Variants in LRP1B observed in about 807,000 individuals in gnomAD.
LRP1B encodes low-density lipoprotein receptor-related protein 1B.
LRP1B carries 217 observed loss-of-function variants against 556.6 expected under a neutral mutation model. The ratio of observed to expected loss-of-function variants is 0.39; its 90% confidence interval spans 0.35 to 0.44. LRP1B has a LOEUF of 0.44. Ranked by LOEUF, LRP1B falls within the 20% of genes least tolerant of loss-of-function variation. The pLI is 1.00. For synonymous variants in LRP1B, 2,047 were observed against 1,865.8 expected, an observed-to-expected ratio of 1.10 and a Z score of -2.50; for missense variants, 5,053 against 5,620.8, an observed-to-expected ratio of 0.90 and a Z score of 3.23.
chr2:142,009,702 T>C (rs1408559381), intron 1 of LRP1B, among the ~76,000 whole-genome samples: 2 of 152,234 alleles, frequency 1.3e-5, no homozygotes, highest in Non-Finnish European at 2.9e-5. Flanking sequence ...TTATGCTGCA[T>C]ATATGTCTAA....
intron 35 of LRP1B, among the ~76,000 whole-genome samples, chr2:140,736,370 C>A (rs1279473217): frequency 1.3e-5 from 2 of 151,968 alleles, no homozygotes; most frequent in Non-Finnish European, 1.5e-5. Context: ...TCAATAATAT[C>A]CATTGTTTTA....
intron 2 of LRP1B, among the ~76,000 whole-genome samples, chr2:141,727,817 A>G (rs565094856): frequency 6.6e-6 from 1 of 152,064 alleles, no homozygotes; most frequent in Non-Finnish European, 1.5e-5. Context: ...ATCTCTCTAT[A>G]TATATATACA....
At chr2:140,862,260 C>T (rs4426471) in intron 27 of LRP1B, among the ~76,000 whole-genome samples, 73,785 of 151,688 alleles carry the variant, frequency 0.49, 18,992 homozygotes, top group South Asian at 0.6. Flanking sequence ...CTTGTTTGTA[C>T]GGTTGGAAAA....
At chr2:140,848,260 C>A (rs1239354206) in intron 29 of LRP1B, among the ~76,000 whole-genome samples, 1 of 152,150 alleles carries the variant, frequency 6.6e-6, no homozygotes, top group Non-Finnish European at 1.5e-5. Context: ...CAATGCTTAT[C>A]CAACCACATT....
intron 27 of LRP1B, among the ~76,000 whole-genome samples, chr2:140,858,552 A>G (rs1045111463): frequency 1.3e-5 from 2 of 150,962 alleles, no homozygotes; most frequent in Non-Finnish European, 3.0e-5. Context: ...AGAGAAATTT[A>G]ATTTATATGA....
At chr2:140,919,293 G>GATT (rs764788946) in intron 21 of LRP1B, among the ~76,000 whole-genome samples, 19 of 151,962 alleles carry the variant, frequency 1.3e-4, no homozygotes, top group Non-Finnish European at 2.2e-4. Context: ...TCTTGGTTCA[G>GATT]AAATACAACT....
intron 66 of LRP1B, among the ~76,000 whole-genome samples, chr2:140,416,472 A>G (rs1274494792): frequency 6.6e-6 from 1 of 152,024 alleles, no homozygotes; most frequent in Non-Finnish European, 1.5e-5. Flanking sequence ...CCTAGGTAAC[A>G]TGGTGAAACA....
intron 2 of LRP1B, among the ~76,000 whole-genome samples, chr2:141,515,730 AAATG>A (rs1369621053): frequency 6.6e-6 from 1 of 152,168 alleles, no homozygotes; most frequent in Non-Finnish European, 1.5e-5. Context: ...GTACAAGGGG[AAATG>A]ATATGATATG....
intron 66 of LRP1B, among the ~76,000 whole-genome samples, chr2:140,419,415 A>G (rs1175719414): frequency 6.6e-6 from 1 of 152,214 alleles, no homozygotes; most frequent in Non-Finnish European, 1.5e-5. Flanking sequence ...AAAAATTCAT[A>G]AGGATATGGA....
intron 2 of LRP1B, among the ~76,000 whole-genome samples, chr2:141,491,136 A>G (rs1430228965): frequency 5.3e-5 from 8 of 152,204 alleles, no homozygotes; most frequent in Non-Finnish European, 8.8e-5. Flanking sequence ...TTGTTGATTG[A>G]TTCTCATATC....
chr2:142,021,446 A>G, intron 1 of LRP1B, among the ~76,000 whole-genome samples: 1 of 152,158 alleles, frequency 6.6e-6, no homozygotes, highest in East Asian at 1.9e-4. Context: ...AAGTACTAGA[A>G]GGTACCTATT....
intron 1 of LRP1B, among the ~76,000 whole-genome samples, chr2:141,968,148 G>A (rs1430627932): frequency 6.6e-6 from 1 of 151,740 alleles, no homozygotes; most frequent in Non-Finnish European, 1.5e-5. Flanking sequence ...TAAATGTGCA[G>A]CATTACTTTA....
intron 2 of LRP1B, among the ~76,000 whole-genome samples, chr2:141,743,396 T>C (rs1471310266): frequency 1.3e-5 from 2 of 152,148 alleles, no homozygotes; most frequent in Non-Finnish European, 2.9e-5. Flanking sequence ...TAGTTTTCTC[T>C]TTAATGTGTC....
chr2:141,407,117 T>A (rs916450438), intron 3 of LRP1B, among the ~76,000 whole-genome samples: 1 of 120,940 alleles, frequency 8.3e-6, no homozygotes, highest in African/African-American at 3.2e-5. Flanking sequence ...CACATACTTT[T>A]TGGGCTGTCA....
chr2:141,100,343 C>A (rs925920854), intron 7 of LRP1B, among the ~76,000 whole-genome samples: 1 of 152,114 alleles, frequency 6.6e-6, no homozygotes, highest in Non-Finnish European at 1.5e-5. Context: ...GAGCTCACAG[C>A]AAATTCTAAA....
intron 6 of LRP1B, among the ~76,000 whole-genome samples, chr2:141,225,315 A>T (rs966104690): frequency 2.6e-5 from 4 of 152,112 alleles, no homozygotes; most frequent in Non-Finnish European, 5.9e-5. Context: ...AAGACAATGA[A>T]AGTGTTTACT....
At chr2:141,404,694 G>A (rs1330283912) in intron 3 of LRP1B, among the ~76,000 whole-genome samples, 3 of 152,092 alleles carry the variant, frequency 2.0e-5, no homozygotes, top group Admixed American at 6.6e-5. Context: ...AATTAAATAC[G>A]TGATCAGTTC....
chr2:140,253,396 TGAAA>T (rs770145212), intron 86 of LRP1B, among the ~76,000 whole-genome samples: 8 of 152,070 alleles, frequency 5.3e-5, no homozygotes, highest in Admixed American at 3.3e-4. Context: ...GAGGTGGCCA[TGAAA>T]GAAATAAAAT....
At chr2:141,966,364 C>A (rs1443469776) in intron 1 of LRP1B, among the ~76,000 whole-genome samples, 1 of 151,830 alleles carries the variant, frequency 6.6e-6, no homozygotes, top group Non-Finnish European at 1.5e-5. Context: ...GGGTTCTCCT[C>A]TGTTTTAGAC....
Sources: gnomAD v4.1 joint callset for allele counts (sites outside exome capture counted in the v4.1 genomes callset) on GRCh38, gnomAD v4.1.1 for gene constraint, MANE v1.5 for transcripts, NCBI Gene and HGNC (gene_info 2026-07-23, HGNC 2026-07-21) for gene names.